RALYL: variants seen among roughly 807,000 people sequenced by gnomAD.
RALYL encodes the protein RNA-binding Raly-like protein.
In RALYL, 29 loss-of-function variants were observed where a neutral mutation model predicts 35.1. The ratio of observed to expected loss-of-function variants is 0.83; its 90% confidence interval spans 0.61 to 1.13. The LOEUF (loss-of-function observed/expected upper bound fraction) is 1.13. Ranked by LOEUF, RALYL falls within the 50% of genes most tolerant of loss-of-function variation. The pLI, the probability that RALYL is intolerant of heterozygous loss-of-function variation, is 0.00. For missense variants in RALYL, 359 were observed against 360.4 expected, an observed-to-expected ratio of 1.00 and a Z score of 0.03; for synonymous variants, 120 against 127.6, an observed-to-expected ratio of 0.94 and a Z score of 0.40.
At chr8:84,777,935 C>T (rs1203942265) in intron 3 of RALYL, among the ~76,000 whole-genome samples, 2 of 152,122 alleles carry the variant, frequency 1.3e-5, no homozygotes, top group Non-Finnish European at 1.5e-5. Flanking sequence ...GCCACCGCAC[C>T]CGGCTTCTGA....
intron 2 of RALYL, among the ~76,000 whole-genome samples, chr8:84,709,831 C>G (rs184392847): frequency 6.6e-6 from 1 of 152,026 alleles, no homozygotes; most frequent in African/African-American, 2.4e-5. Flanking sequence ...GAGGCCAAGG[C>G]GGGAGGATTA....
chr8:84,777,664 C>T (rs1248955988), intron 3 of RALYL, among the ~76,000 whole-genome samples: 2 of 152,040 alleles, frequency 1.3e-5, no homozygotes, highest in African/African-American at 4.8e-5. Context: ...GCTTTTGAGA[C>T]AGAGTCTCAA....
chr8:84,422,995 T>G (rs1271826390), intron 1 of RALYL, among the ~76,000 whole-genome samples: 1 of 148,558 alleles, frequency 6.7e-6, no homozygotes, highest in African/African-American at 2.5e-5. Context: ...GGAATAGGTG[T>G]GGTGTGGTGC....
intron 2 of RALYL, among the ~76,000 whole-genome samples, chr8:84,530,405 A>C (rs760951069): frequency 1.3e-5 from 2 of 151,718 alleles, no homozygotes; most frequent in Non-Finnish European, 2.9e-5. Flanking sequence ...CCAGAACAAA[A>C]CCCATGATTT....
Position 84,571,929 on chromosome 8 carries a change from C to A in RALYL, c.256+42352C>A, listed in dbSNP as rs776974452. On this transcript the variant is annotated intron_variant, in intron 2 of 8. Transcript: ENST00000521268. Reference sequence around the variant, plus strand: ...ATGCATTTTTGTAGTTTTGAGAGCTCCTCTTGGAATTGATTTATAATTTTA... The same window carrying A: ...ATGCATTTTTGTAGTTTTGAGAGCTACTCTTGGAATTGATTTATAATTTTA... 3.3e-5 allele frequency among the ~76,000 whole-genome samples: 5 copies of A among 151,610 alleles called. No individual in the cohort carries two copies. In the South Asian group the frequency reaches 1.0e-3, roughly 31 times the overall value.
intron 2 of RALYL, among the ~76,000 whole-genome samples, chr8:84,710,920 G>A (rs1842073951): frequency 6.6e-6 from 1 of 152,234 alleles, no homozygotes; most frequent in Middle Eastern, 3.4e-3. Flanking sequence ...AATATGCTAT[G>A]TAATGCTAAG....
Position 84,388,365 on chromosome 8 carries a change from G to A in RALYL, c.-23-140934G>A, listed in dbSNP as rs1176576825. Among the ~76,000 whole-genome samples, 8 of 152,090 alleles carry A rather than the reference G, an allele frequency of 5.3e-5. 1 individual carries two copies. The East Asian group carries it at 7.7e-4, about 15-fold the overall frequency. Reference sequence around the variant, plus strand: ...TCCTTTGGGTATATACGCAGTAATGGGATGGCTGGGTCAAATGGTATTTGT... The same window carrying A: ...TCCTTTGGGTATATACGCAGTAATGAGATGGCTGGGTCAAATGGTATTTGT... On this transcript the variant is annotated intron_variant, in intron 1 of 8. Coordinates refer to ENST00000521268, the MANE Select transcript of RALYL (RefSeq NM_173848.7).
At chr8:84,439,143 G>A (rs955298370) in intron 1 of RALYL, among the ~76,000 whole-genome samples, 1 of 152,036 alleles carries the variant, frequency 6.6e-6, no homozygotes. Flanking sequence ...TAGTTTGACA[G>A]GAATAGTGTT....
intron 2 of RALYL, among the ~76,000 whole-genome samples, chr8:84,641,248 A>C (rs1057189540): frequency 1.3e-5 from 2 of 151,638 alleles, no homozygotes; most frequent in Non-Finnish European, 3.0e-5. Context: ...TAACCTCCAA[A>C]TTATATAAAA....
intron 1 of RALYL, among the ~76,000 whole-genome samples, chr8:84,312,045 T>G (rs1842916180): frequency 1.3e-5 from 2 of 152,164 alleles, no homozygotes; most frequent in Admixed American, 6.5e-5. Context: ...TCTGCATGGC[T>G]GGGGGAGGCC....
intron 1 of RALYL, among the ~76,000 whole-genome samples, chr8:84,414,738 C>A (rs945892575): frequency 6.6e-6 from 1 of 152,118 alleles, no homozygotes; most frequent in Non-Finnish European, 1.5e-5. Flanking sequence ...TTGCATTTTC[C>A]CATGGCTTGC....
chr8:84,358,261 T>A (rs1164366093), intron 1 of RALYL, among the ~76,000 whole-genome samples: 1 of 152,000 alleles, frequency 6.6e-6, no homozygotes, highest in Non-Finnish European at 1.5e-5. Context: ...TCTTAAAAAA[T>A]TAATTTAATA....
At chr8:84,849,508 G>A (rs1835364848) in intron 4 of RALYL, among the ~76,000 whole-genome samples, 1 of 151,932 alleles carries the variant, frequency 6.6e-6, no homozygotes, top group Non-Finnish European at 1.5e-5. Flanking sequence ...TATCTTGTCT[G>A]AGATGAAAAA....
At chr8:84,191,306 TAGC>T (rs1397172771) in intron 1 of RALYL, among the ~76,000 whole-genome samples, 2 of 151,970 alleles carry the variant, frequency 1.3e-5, no homozygotes, top group African/African-American at 4.8e-5. Context: ...TATGCAAAAA[TAGC>T]AGAGAATATT....
chr8:84,295,122 A>T (rs892391987), intron 1 of RALYL, among the ~76,000 whole-genome samples: 2 of 152,136 alleles, frequency 1.3e-5, no homozygotes, highest in Non-Finnish European at 2.9e-5. Context: ...TCACAAAGAT[A>T]TGACAGTGGA....
intron 3 of RALYL, among the ~76,000 whole-genome samples, chr8:84,780,916 G>A (rs1818003141): frequency 6.6e-6 from 1 of 152,066 alleles, no homozygotes; most frequent in Admixed American, 6.6e-5. Flanking sequence ...GGAGAACAGT[G>A]GGCGTGATCT....
chr8:84,303,870 T>A (rs949327329), intron 1 of RALYL, among the ~76,000 whole-genome samples: 1 of 152,164 alleles, frequency 6.6e-6, no homozygotes, highest in African/African-American at 2.4e-5. Context: ...GACCTATATA[T>A]TAAACACACT....
chr8:84,497,317 G>A (rs1330684112), intron 1 of RALYL, among the ~76,000 whole-genome samples: 1 of 152,172 alleles, frequency 6.6e-6, no homozygotes, highest in Non-Finnish European at 1.5e-5. Context: ...CTGGAGCAAA[G>A]TGTGACTTGT....
At chr8:84,464,529 C>A (rs1438973003) in intron 1 of RALYL, among the ~76,000 whole-genome samples, 2 of 148,696 alleles carry the variant, frequency 1.3e-5, no homozygotes, top group Admixed American at 1.3e-4. Flanking sequence ...TTTTCTTAAT[C>A]CAGTCTATCA....
Sources: allele counts gnomAD v4.1 joint callset (sites outside exome capture counted in the v4.1 genomes callset), GRCh38; gene constraint gnomAD v4.1.1; transcripts MANE v1.5; gene names NCBI Gene and HGNC (gene_info 2026-07-23, HGNC 2026-07-21).